Variants in MTMR1 observed in about 807,000 individuals in gnomAD.
The protein encoded by MTMR1 is phosphatidylinositol-3-phosphate phosphatase MTMR1.
MTMR1 carries 17 observed loss-of-function variants against 51.6 expected under a neutral mutation model. The observed-to-expected ratio is 0.33, with a 90% CI of 0.23 to 0.49. The LOEUF (loss-of-function observed/expected upper bound fraction) is 0.49. MTMR1 is among the 20% of genes least tolerant of loss of function. The pLI is 0.99. For synonymous variants in MTMR1, 201 were observed against 205.6 expected (o/e 0.98, Z 0.19); for missense variants, 386 against 526.9 (o/e 0.73, Z 2.62).
Position 150,730,544 on chromosome X carries a change from A to G in MTMR1, c.677A>G (p.Tyr226Cys). Reference protein sequence around the residue: ...SNGQALFAFSYKEKFPINGWK... With the variant: ...SNGQALFAFSCKEKFPINGWK... The stretch of plus-strand genomic sequence containing the variant: ...GTCCAGGCACTATTTGCATTCAGCT[A>G]TAAAGAAAAATTTCCAATTAATGGC... Residue 226 changes from tyrosine to cysteine, a missense_variant, in exon 8 of 16, where the codon TAT becomes TGT. By Grantham distance (194) the Tyr-to-Cys change is radical. Coordinates refer to ENST00000445323, the MANE Select transcript of MTMR1 (RefSeq NM_001306144.3). The G allele has an allele frequency of 8.5e-7, 1 of 1,175,703 alleles. No homozygotes were observed. Among genetic ancestry groups the G allele is most frequent in the Non-Finnish European group, 1.1e-6 (1 of 873,265 alleles).
chrX:150,712,341 G>T lies in MTMR1; in HGVS notation c.253-1G>T. 8.6e-7 allele frequency: 1 copy of T among 1,164,439 alleles called. No homozygotes were observed. The highest frequency in any genetic ancestry group is 1.1e-6 in the Non-Finnish European group (1 of 871,316). On this transcript the variant is annotated splice_acceptor_variant, in intron 2 of 15. Transcript: ENST00000445323. LOFTEE classifies it high-confidence loss of function. ...ATGATATTCTGTATTTTAACTAACA[G>T]GTTTTCAGGAGGCCTGATCTAAGGG...
intron 12 of MTMR1, among the ~76,000 whole-genome samples, chrX:150,740,347 T>C (rs1380152801): frequency 8.9e-6 from 1 of 111,950 alleles, no homozygotes; most frequent in East Asian, 2.8e-4. Context: ...ATGCTGTTGA[T>C]TCTTCCTTTC....
At chrX:150,743,080 T>C (rs1250470076) in intron 12 of MTMR1, among the ~76,000 whole-genome samples, 1 of 111,018 alleles carries the variant, frequency 9.0e-6, no homozygotes, top group Non-Finnish European at 1.9e-5. Context: ...ATGAGTGTGC[T>C]TGATGCCACT....
chrX:150,711,195 C>T (rs2041293873), intron 2 of MTMR1, among the ~76,000 whole-genome samples: 1 of 112,373 alleles, frequency 8.9e-6, no homozygotes, highest in African/African-American at 3.2e-5. Context: ...CAAAAAAAGA[C>T]ACATTTAAGC....
chrX:150,701,830 T>C (rs1305752267), intron 2 of MTMR1, among the ~76,000 whole-genome samples: 2 of 111,748 alleles, frequency 1.8e-5, no homozygotes, highest in African/African-American at 6.5e-5. Flanking sequence ...CACTCTAGCC[T>C]AGACAACATA....
intron 12 of MTMR1, among the ~76,000 whole-genome samples, chrX:150,741,874 A>G (rs1444368786): frequency 1.8e-5 from 2 of 112,701 alleles, no homozygotes; most frequent in Non-Finnish European, 3.8e-5. Flanking sequence ...GCATGGAGCT[A>G]CTATGGAGAA....
Position 150,731,569 on chromosome X carries a change from G to T in MTMR1, c.841G>T (p.Asp281Tyr), listed in dbSNP as rs782574499. 43 of 1,205,896 alleles carry T rather than the reference G, an allele frequency of 3.6e-5. 1 individual carries two copies. The highest frequency in any genetic ancestry group is 2.9e-4 in the South Asian group (16 of 55,843). Residue 281 changes from aspartate to tyrosine, a missense_variant, in exon 9 of 16, where the codon GAT becomes TAT. By Grantham distance (160) the Asp-to-Tyr change is radical. Coordinates refer to ENST00000445323, the MANE Select transcript of MTMR1 (RefSeq NM_001306144.3). Reference protein sequence around the residue: ...AIIVVPTSVKDDDLSKVAAFR... With the variant: ...AIIVVPTSVKYDDLSKVAAFR... Reference sequence around the variant, plus strand: ...CATTGTTGTGCCAACTAGTGTAAAAGATGATGACCTTTCAAAAGTGGCAGC... The same window carrying T: ...CATTGTTGTGCCAACTAGTGTAAAATATGATGACCTTTCAAAAGTGGCAGC...
intron 6 of MTMR1, among the ~76,000 whole-genome samples, chrX:150,729,694 A>G (rs2042052260): frequency 8.9e-6 from 1 of 112,365 alleles, no homozygotes; most frequent in African/African-American, 3.2e-5. Context: ...TAGCCTATGC[A>G]CATGAGAATG....
intron 3 of MTMR1, chrX:150,713,058 A>G (rs1262748070): frequency 6.9e-6 from 4 of 576,711 alleles, no homozygotes; most frequent in Non-Finnish European, 8.9e-6. Flanking sequence ...TAATAACTTC[A>G]GTTTAAAAGT....
chrX:150,759,426 CATTAGCAGAAAA>C (rs1557417884), intron 15 of MTMR1, among the ~76,000 whole-genome samples: 36 of 111,701 alleles, frequency 3.2e-4, no homozygotes, highest in African/African-American at 1.2e-3. Flanking sequence ...GTGTCATGAA[CATTAGCAGAAAA>C]TCCAACAGAA....
rs1347126005 is a variant in MTMR1 at position 150,765,070 on chromosome X, G to GTGAT, written c.*2343_*2346dup. On this transcript the variant is annotated 3_prime_UTR_variant, in exon 16 of 16. Transcript: ENST00000445323. ...GATGATGTAAAGTAACTAACTTTAT[G>GTGAT]TGATTTAATTCATTCAGTAAATTGT... 2 of 109,340 alleles carry GTGAT rather than the reference G, an allele frequency of 1.8e-5. No individual in the cohort carries two copies. The highest frequency in any genetic ancestry group is 3.9e-5 in the Non-Finnish European group (2 of 51,585). 9.0% of individuals were successfully genotyped at this position (109,340 alleles called of 1,213,427 possible).
chrX:150,715,712 A>G (rs1196041886), intron 3 of MTMR1, among the ~76,000 whole-genome samples: 2 of 112,920 alleles, frequency 1.8e-5, no homozygotes, highest in Non-Finnish European at 3.7e-5. Context: ...TGTTTCTTTT[A>G]CAAAAGGAAT....
chrX:150,694,374 C>T (rs1397286591), intron 1 of MTMR1, among the ~76,000 whole-genome samples: 3 of 111,913 alleles, frequency 2.7e-5, no homozygotes, highest in African/African-American at 9.8e-5. Flanking sequence ...CATAAAGTGA[C>T]CGTGTCGAAC....
intron 4 of MTMR1, among the ~76,000 whole-genome samples, chrX:150,720,441 T>G (rs1266304384): frequency 8.9e-6 from 1 of 112,422 alleles, no homozygotes. Flanking sequence ...GATATCCATA[T>G]TGTGGCATGA....
intron 15 of MTMR1, among the ~76,000 whole-genome samples, chrX:150,757,357 G>A (rs782727085): frequency 8.9e-6 from 1 of 112,709 alleles, no homozygotes; most frequent in Non-Finnish European, 1.9e-5. Context: ...CCACAGACCA[G>A]GCTAGTCATC....
chrX:150,704,919 G>A, intron 2 of MTMR1, among the ~76,000 whole-genome samples: 1 of 111,367 alleles, frequency 9.0e-6, no homozygotes, highest in Non-Finnish European at 1.9e-5. Flanking sequence ...TCAAAACTGA[G>A]ATGATAGAGA....
intron 14 of MTMR1, among the ~76,000 whole-genome samples, chrX:150,754,173 A>G (rs897757851): frequency 1.8e-5 from 2 of 112,939 alleles, no homozygotes; most frequent in African/African-American, 6.4e-5. Flanking sequence ...ATTCTGTTCC[A>G]TTGATCTGCA....
chrX:150,698,676 G>GCACA (rs1170788477), intron 1 of MTMR1, among the ~76,000 whole-genome samples: 1,050 of 52,964 alleles, frequency 0.02, 24 homozygotes, highest in African/African-American at 0.069. Context: ...GTCTACACGC[G>GCACA]CGCGCACACA....
intron 12 of MTMR1, among the ~76,000 whole-genome samples, chrX:150,742,363 A>G (rs1437832468): frequency 8.9e-6 from 1 of 111,920 alleles, no homozygotes; most frequent in African/African-American, 3.2e-5. Context: ...AAAATATGGT[A>G]TTATAGCCTT....
Sources: gnomAD v4.1 joint callset for allele counts (sites outside exome capture counted in the v4.1 genomes callset) on GRCh38, gnomAD v4.1.1 for gene constraint, MANE v1.5 for transcripts, NCBI Gene and HGNC (gene_info 2026-07-23, HGNC 2026-07-21) for gene names.